CEP63: variants seen among roughly 807,000 people sequenced by gnomAD.
CEP63 encodes centrosomal protein 63, also known as centrosomal protein of 63 kDa.
Under a neutral mutation model 89.1 loss-of-function variants are expected in CEP63, and 84 were observed. That is an observed-to-expected ratio of 0.94 (90% CI 0.79 to 1.13). The LOEUF (loss-of-function observed/expected upper bound fraction) is 1.13, where lower values mean the gene tolerates loss of function less well. Among genes scored for constraint, CEP63 ranks in the 50% most tolerant of loss-of-function variants. CEP63 has a pLI of 0.00. For synonymous variants in CEP63, 267 were observed against 272.5 expected, an observed-to-expected ratio of 0.98 and a Z score of 0.20; for missense variants, 838 against 813.3, an observed-to-expected ratio of 1.03 and a Z score of -0.37.
At chr3:134,714,856 A>G in the CEP63 span, among the ~76,000 whole-genome samples, 1 of 152,220 alleles carries the variant, frequency 6.6e-6, no homozygotes, top group South Asian at 2.1e-4. Flanking sequence ...GGAGACTAAG[A>G]TGAATATGAT....
intron 3 of CEP63, among the ~76,000 whole-genome samples, chr3:134,508,010 G>A (rs933114960): frequency 3.9e-5 from 6 of 152,110 alleles, no homozygotes; most frequent in African/African-American, 1.4e-4. Flanking sequence ...GGGAGCACTG[G>A]TCCCATTTCT....
chr3:134,574,930 C>A, exon 12 of CEP63: 1 of 489,794 alleles, frequency 2.0e-6, no homozygotes, highest in South Asian at 3.3e-5. Context: ...AACAATTTGT[C>A]AATGAAACAA....
In CEP63 at chr3:134,546,138, C is replaced by A. The variant is rs368225983; in HGVS notation, c.790-11C>A. On this transcript the variant is annotated splice_polypyrimidine_tract_variant and intron_variant, in intron 7 of 14. Transcript: ENST00000675561. ...GAAGGAAAATTATAATCATATTTGA[C>A]TTTTTTGCAGGCTCTGCAGGAAGAA... is the stretch of plus-strand genomic sequence containing the variant. 1 of 1,613,306 alleles carries A rather than the reference C, an allele frequency of 6.2e-7. No individual in the cohort carries two copies. The highest frequency in any genetic ancestry group is 8.5e-7 in the Non-Finnish European group (1 of 1,179,778).
chr3:134,542,556 C>T (rs958639221), intron 6 of CEP63, among the ~76,000 whole-genome samples: 2 of 152,146 alleles, frequency 1.3e-5, no homozygotes, highest in Non-Finnish European at 2.9e-5. Context: ...TTACAATGGC[C>T]GTACCTTCAT....
chr3:134,740,997 C>A, the CEP63 span, among the ~76,000 whole-genome samples: 1 of 152,122 alleles, frequency 6.6e-6, no homozygotes, highest in Non-Finnish European at 1.5e-5. Flanking sequence ...ACTCATCAAC[C>A]CTCTCTGTTA....
chr3:134,782,086 GA>G, the CEP63 span, among the ~76,000 whole-genome samples: 37 of 152,120 alleles, frequency 2.4e-4, no homozygotes, highest in Non-Finnish European at 4.4e-5. Context: ...TTTAAGTTGT[GA>G]AAATGTTCTG....
the CEP63 span, among the ~76,000 whole-genome samples, chr3:134,779,074 A>G: frequency 6.6e-6 from 1 of 152,338 alleles, no homozygotes; most frequent in Admixed American, 6.5e-5. Flanking sequence ...CTTTGTCTAC[A>G]TTTAATATTA....
chr3:134,659,628 G>A, the CEP63 span, among the ~76,000 whole-genome samples: 1 of 152,198 alleles, frequency 6.6e-6, no homozygotes, highest in Non-Finnish European at 1.5e-5. Flanking sequence ...CCACTCGCAG[G>A]GCTTAGGCAG....
At chr3:134,521,591 A>G (rs893479559) in intron 3 of CEP63, among the ~76,000 whole-genome samples, 1 of 152,086 alleles carries the variant, frequency 6.6e-6, no homozygotes, top group African/African-American at 2.4e-5. Context: ...TATTTCTTTT[A>G]TATTAATATA....
chr3:134,490,961 A>G (rs1396297974), intron 1 of CEP63, among the ~76,000 whole-genome samples: 2 of 152,148 alleles, frequency 1.3e-5, no homozygotes, highest in Admixed American at 6.5e-5. Flanking sequence ...GTGGATGAAT[A>G]TTTAATTCGT....
the CEP63 span, among the ~76,000 whole-genome samples, chr3:134,623,670 T>C: frequency 6.6e-6 from 1 of 152,010 alleles, no homozygotes; most frequent in Non-Finnish European, 1.5e-5. Context: ...TGCTTGCTCT[T>C]CCACCCACCT....
chr3:134,610,117 A>C, the CEP63 span: 116 of 1,479,750 alleles, frequency 7.8e-5, no homozygotes, highest in Non-Finnish European at 1.0e-4. Context: ...GGTCTTCTCC[A>C]CCTGCTGCTT....
the CEP63 span, among the ~76,000 whole-genome samples, chr3:134,733,707 C>T: frequency 6.6e-6 from 1 of 152,160 alleles, no homozygotes; most frequent in African/African-American, 2.4e-5. Flanking sequence ...GCCAGCAAAG[C>T]ACCAGAAGCT....
At chr3:134,591,150 A>C (rs1958588928), downstream of CEP63, among the ~76,000 whole-genome samples, 1 of 152,198 alleles carries the variant, frequency 6.6e-6, no homozygotes, top group Non-Finnish European at 1.5e-5. Flanking sequence ...TGAGATTTTA[A>C]CTGAGGATAA....
At chr3:134,701,944 A>G in the CEP63 span, among the ~76,000 whole-genome samples, 1 of 152,170 alleles carries the variant, frequency 6.6e-6, no homozygotes, top group Non-Finnish European at 1.5e-5. Context: ...CAAGCTACTG[A>G]ATCTGGGCTA....
At chr3:134,514,879 A>G (rs1945862290) in intron 3 of CEP63, among the ~76,000 whole-genome samples, 2 of 152,192 alleles carry the variant, frequency 1.3e-5, no homozygotes. Context: ...CTAAATGAAT[A>G]TTGATTGTAT....
At chr3:134,745,954 A>C in the CEP63 span, among the ~76,000 whole-genome samples, 1 of 150,030 alleles carries the variant, frequency 6.7e-6, no homozygotes, top group East Asian at 2.0e-4. Context: ...TCTAGGGTAC[A>C]TGTGCACAAC....
intron 9 of CEP63, 142 bp downstream of exon 9, chr3:134,547,614 C>CATTTTTTTTTTTTTTTTTTTT (rs1953744254): frequency 4.5e-6 from 1 of 224,274 alleles, no homozygotes; most frequent in Non-Finnish European, 8.0e-6. Flanking sequence ...GTTCTTATTT[C>CATTTTTTTTTTTTTTTTTTTT]TTTTTTTTTT....
At chr3:134,604,825 G>C in the CEP63 span, among the ~76,000 whole-genome samples, 1 of 152,204 alleles carries the variant, frequency 6.6e-6, no homozygotes, top group East Asian at 1.9e-4. Flanking sequence ...TGTCCAGAGA[G>C]GGTCATGGGT....
Sources: gnomAD v4.1 joint callset for allele counts (sites outside exome capture counted in the v4.1 genomes callset) on GRCh38, gnomAD v4.1.1 for gene constraint, MANE v1.5 for transcripts, NCBI Gene and HGNC (gene_info 2026-07-23, HGNC 2026-07-21) for gene names.